ZFP64: variants seen among roughly 807,000 people sequenced by gnomAD.
ZFP64 encodes the protein ZFP64 zinc finger protein.
A neutral mutation model predicts 51.6 loss-of-function variants in ZFP64; 14 were observed. That is an observed-to-expected ratio of 0.27 (90% CI 0.18 to 0.42). ZFP64 has a LOEUF of 0.42. Ranked by LOEUF, ZFP64 falls within the 10% of genes least tolerant of loss-of-function variation. The pLI, the probability that ZFP64 is intolerant of heterozygous loss-of-function variation, is 1.00. For missense variants in ZFP64, 754 were observed against 906.8 expected (o/e 0.83, Z 2.16); for synonymous variants, 375 against 361.4 (o/e 1.04, Z -0.43).
intron 4 of ZFP64, among the ~76,000 whole-genome samples, chr20:52,163,391 A>G (rs1981988672): frequency 6.6e-6 from 1 of 152,192 alleles, no homozygotes; most frequent in African/African-American, 2.4e-5. Flanking sequence ...CAAAACAAAA[A>G]TTATAGTACT....
intron 7 of ZFP64, among the ~76,000 whole-genome samples, chr20:52,090,113 A>G (rs575349966): frequency 6.6e-6 from 1 of 152,226 alleles, no homozygotes; most frequent in African/African-American, 2.4e-5. Flanking sequence ...ACTGAGAAGA[A>G]TTATTTCCCA....
intron 5 of ZFP64, among the ~76,000 whole-genome samples, chr20:52,129,145 G>A (rs1186099430): frequency 6.6e-6 from 1 of 150,728 alleles, no homozygotes; most frequent in Non-Finnish European, 1.5e-5. Flanking sequence ...GCAGTGGCGC[G>A]ATCTCGGCTC....
At chr20:52,167,112 G>C (rs1372387218) in intron 2 of ZFP64, among the ~76,000 whole-genome samples, 2 of 151,954 alleles carry the variant, frequency 1.3e-5, no homozygotes, top group African/African-American at 4.8e-5. Context: ...ATCACCTGCG[G>C]TCAGGAGTTC....
At chr20:52,135,883 G>A (rs890147318) in intron 5 of ZFP64, among the ~76,000 whole-genome samples, 1 of 151,726 alleles carries the variant, frequency 6.6e-6, no homozygotes, top group East Asian at 2.0e-4. Flanking sequence ...TGGATCATTT[G>A]AGGTCAGGAG....
chr20:52,102,061 C>A (rs2079057070), intron 5 of ZFP64, among the ~76,000 whole-genome samples: 1 of 141,532 alleles, frequency 7.1e-6, no homozygotes, highest in Admixed American at 7.5e-5. Context: ...GCAGTGAGCC[C>A]AGATCGTGCC....
intron 2 of ZFP64, among the ~76,000 whole-genome samples, chr20:52,171,110 G>A (rs1982679945): frequency 6.6e-6 from 1 of 152,228 alleles, no homozygotes. Context: ...ATTGGGTGCT[G>A]AAGACTCTCA....
chr20:52,181,869 T>C (rs1418575287), intron 2 of ZFP64, among the ~76,000 whole-genome samples: 2 of 152,076 alleles, frequency 1.3e-5, no homozygotes, highest in African/African-American at 4.8e-5. Flanking sequence ...ATAGGAGGAA[T>C]TGCACCCAGA....
At chr20:52,176,347 C>G (rs949878959) in intron 2 of ZFP64, among the ~76,000 whole-genome samples, 9 of 152,030 alleles carry the variant, frequency 5.9e-5, no homozygotes, top group Non-Finnish European at 1.3e-4. Context: ...GGTCACAGGG[C>G]AGCAGTGCTT....
At chr20:52,158,103 T>A (rs201366181) in intron 5 of ZFP64, among the ~76,000 whole-genome samples, 11 of 152,352 alleles carry the variant, frequency 7.2e-5, no homozygotes, top group East Asian at 5.8e-4. Context: ...AAGTCTTTGC[T>A]ATTGTGAATA....
chr20:52,163,046 C>T (rs1048915892), intron 4 of ZFP64, among the ~76,000 whole-genome samples: 3 of 152,150 alleles, frequency 2.0e-5, no homozygotes, highest in African/African-American at 7.2e-5. Flanking sequence ...TTTTACAACG[C>T]TTTCTCTATC....
chr20:52,155,420 G>A (rs1981236899), intron 5 of ZFP64, among the ~76,000 whole-genome samples: 1 of 152,172 alleles, frequency 6.6e-6, no homozygotes. Context: ...GATTTCTCAG[G>A]GGCAGACGTC....
intron 2 of ZFP64, among the ~76,000 whole-genome samples, chr20:52,166,550 G>A (rs1346295679): frequency 6.6e-6 from 1 of 151,882 alleles, no homozygotes; most frequent in Admixed American, 6.6e-5. Context: ...GACCTTCCAG[G>A]CTGGAGCAAT....
At chr20:52,127,189 A>G (rs1485647977) in intron 5 of ZFP64, among the ~76,000 whole-genome samples, 2 of 152,030 alleles carry the variant, frequency 1.3e-5, no homozygotes, top group Non-Finnish European at 2.9e-5. Flanking sequence ...TGACCTCATG[A>G]TCCGCCGGCC....
intron 5 of ZFP64, among the ~76,000 whole-genome samples, chr20:52,121,141 G>A (rs1278006735): frequency 6.6e-6 from 1 of 152,096 alleles, no homozygotes; most frequent in African/African-American, 2.4e-5. Context: ...TCTATTCCCT[G>A]AGACACAACA....
chr20:52,160,340 C>G lies in ZFP64; in HGVS notation c.546G>C (p.Lys182Asn). ...TCAGCTTGTCTTTCCGGCTAAAGCA[C>G]TTGCCACAGACTTCACACTTATGGG... is the stretch of plus-strand genomic sequence containing the variant. ...DKPHKCEVCG[K>N]CFSRKDKLKT... The change falls in exon 5 of 6, where the codon AAG (lysine) becomes AAC (asparagine). Residue 182 changes from lysine (K) to asparagine (N), a missense_variant. By Grantham distance (94) the Lys-to-Asn change is moderately conservative. Around this residue, in one of 3 missense-constraint regions of ZFP64, gnomAD observed 231 missense variants for 336.7 expected, o/e 0.69. Transcript: ENST00000216923. The surrounding 1 kb of genome is among the most constrained non-coding windows in gnomAD (Gnocchi z 4.2). 3 of 1,614,202 alleles carry G rather than the reference C, an allele frequency of 1.9e-6. No homozygotes were observed. The highest frequency in any genetic ancestry group is 2.5e-6 in the Non-Finnish European group (3 of 1,180,016).
chr20:52,088,303 T>C (rs958622690), intron 8 of ZFP64: 9 of 1,544,278 alleles, frequency 5.8e-6, no homozygotes, highest in Non-Finnish European at 7.8e-6. Flanking sequence ...CCACACCAAG[T>C]CATTTAAGTT....
At chr20:52,143,617 CCTCAACCTCCCCAG>C (rs1373416065) in intron 5 of ZFP64, among the ~76,000 whole-genome samples, 1 of 141,548 alleles carries the variant, frequency 7.1e-6, no homozygotes, top group Non-Finnish European at 1.6e-5. Flanking sequence ...CTCACTGCAG[CCTCAACCTCCCCAG>C]CTCAAGTGAT....
intron 6 of ZFP64, chr20:52,097,444 GA>G (rs767572315): frequency 2.0e-6 from 3 of 1,520,134 alleles, no homozygotes; most frequent in Admixed American, 4.0e-5. Flanking sequence ...ACCTAGAAAA[GA>G]AAAATAGATT....
chr20:52,105,247 A>T (rs778649993), intron 5 of ZFP64: 1 of 1,334,368 alleles, frequency 7.5e-7, no homozygotes, highest in Non-Finnish European at 9.5e-7. Flanking sequence ...TGGCGCGAGG[A>T]CCGGGCTCCC....
Sources: gnomAD v4.1 joint callset for allele counts (sites outside exome capture counted in the v4.1 genomes callset) on GRCh38, gnomAD v4.1.1 for gene constraint, gnomAD v4.1.1 regional missense constraint, Gnocchi (gnomAD v3.1) non-coding constraint, MANE v1.5 for transcripts, NCBI Gene and HGNC (gene_info 2026-07-23, HGNC 2026-07-21) for gene names.